The following RASGRF2 variants were observed in gnomAD, a reference collection of about 807,000 sequenced individuals.
RASGRF2 encodes the protein ras-specific guanine nucleotide-releasing factor 2.
Under a neutral mutation model 151.0 loss-of-function variants are expected in RASGRF2, and 76 were observed. The ratio of observed to expected loss-of-function variants is 0.50; its 90% CI spans 0.42 to 0.61. RASGRF2 has a LOEUF of 0.61. Ranked by LOEUF, RASGRF2 falls within the 20% of genes least tolerant of loss-of-function variation. The pLI is 0.00. For missense variants in RASGRF2, 1,148 were observed against 1,564.6 expected (o/e 0.73, Z 4.49); for synonymous variants, 504 against 566.5 (o/e 0.89, Z 1.57).
chr5:81,116,413 C>T (rs777406973), intron 15 of RASGRF2, among the ~76,000 whole-genome samples: 2 of 152,138 alleles, frequency 1.3e-5, no homozygotes, highest in Non-Finnish European at 2.9e-5. Flanking sequence ...GTATCACAAG[C>T]ATCACTGCTT....
chr5:81,132,478 G>A (rs1254805771), intron 17 of RASGRF2, among the ~76,000 whole-genome samples: 1 of 152,154 alleles, frequency 6.6e-6, no homozygotes, highest in African/African-American at 2.4e-5. Flanking sequence ...AGTGTCTTTT[G>A]TGTTTAGTAT....
At chr5:81,128,647 T>C (rs40047) in intron 17 of RASGRF2, among the ~76,000 whole-genome samples, 1 of 152,182 alleles carries the variant, frequency 6.6e-6, no homozygotes, top group African/African-American at 2.4e-5. Context: ...AGCCGAGCGG[T>C]GCAGCTATTG....
At chr5:81,038,490 G>A (rs760257960) in intron 1 of RASGRF2, among the ~76,000 whole-genome samples, 6 of 149,446 alleles carry the variant, frequency 4.0e-5, no homozygotes, top group Admixed American at 2.0e-4. Flanking sequence ...CTGTCTCATC[G>A]TCTGGGTATG....
At chr5:81,024,548 CA>C in intron 1 of RASGRF2, among the ~76,000 whole-genome samples, 1 of 152,138 alleles carries the variant, frequency 6.6e-6, no homozygotes. Context: ...GCGTGAGCCA[CA>C]ATGCCTGGCC....
chr5:81,155,180 A>G lies in RASGRF2; in HGVS notation c.2687-24995A>G, dbSNP rs1754232058. ...AAGTAGTGTTTAGAGAGAAATGTAT[A>G]TATTTCAATATCTACATTAGAGAAG... On this transcript the variant is annotated intron_variant, in intron 17 of 26. Transcript: ENST00000265080. Among the ~76,000 whole-genome samples the G allele has an allele frequency of 1.3e-5, 2 of 152,208 alleles. 1 individual carries two copies. Among genetic ancestry groups the G allele is most frequent in the South Asian group, 4.1e-4 (2 of 4,820 alleles).
chr5:81,097,354 A>G (rs1370097604), intron 12 of RASGRF2, among the ~76,000 whole-genome samples: 2 of 152,236 alleles, frequency 1.3e-5, no homozygotes, highest in African/African-American at 2.4e-5. Flanking sequence ...TTCAACAAAT[A>G]TATTTATGCA....
intron 2 of RASGRF2, among the ~76,000 whole-genome samples, chr5:81,067,198 A>G (rs1417536332): frequency 6.6e-6 from 1 of 152,160 alleles, no homozygotes; most frequent in Non-Finnish European, 1.5e-5. Context: ...TGTATACTAT[A>G]TCCTATGCAC....
chr5:81,131,814 C>T (rs531919612), intron 17 of RASGRF2, among the ~76,000 whole-genome samples: 2 of 152,114 alleles, frequency 1.3e-5, no homozygotes, highest in Non-Finnish European at 2.9e-5. Flanking sequence ...CCTCAAAACT[C>T]GAGATTCGGA....
intron 26 of RASGRF2, among the ~76,000 whole-genome samples, chr5:81,221,949 C>A (rs377027812): frequency 2.0e-5 from 3 of 151,904 alleles, no homozygotes; most frequent in South Asian, 4.2e-4. Context: ...TGCACTCCAG[C>A]CTATGCACTC....
chr5:80,983,384 G>A (rs891415279), intron 1 of RASGRF2, among the ~76,000 whole-genome samples: 3 of 152,230 alleles, frequency 2.0e-5, no homozygotes, highest in Admixed American at 2.0e-4. Flanking sequence ...TCTCTGCATG[G>A]TTGTGGGGCT....
chr5:81,021,755 G>A (rs1210270446), intron 1 of RASGRF2, among the ~76,000 whole-genome samples: 1 of 152,276 alleles, frequency 6.6e-6, no homozygotes, highest in East Asian at 1.9e-4. Flanking sequence ...AGTGTTCCAG[G>A]GCACTGGGAT....
chr5:81,060,161 C>G (rs1317584124), intron 2 of RASGRF2, among the ~76,000 whole-genome samples: 1 of 152,192 alleles, frequency 6.6e-6, no homozygotes, highest in African/African-American at 2.4e-5. Context: ...ACACATGACC[C>G]ACACACCTCC....
At position 81,214,087 on chromosome 5, in the gene RASGRF2, C is replaced by A. The variant is rs944632005; in HGVS notation, c.3354+1524C>A. Among the ~76,000 whole-genome samples, 9 of 152,122 alleles carry A rather than the reference C, an allele frequency of 5.9e-5. No homozygotes were observed. In the East Asian group the frequency reaches 1.7e-3, roughly 29 times the overall value. ...GGATCACCAGCTATCACCAAGGGAT[C>A]CCTAAATCTTAAAGTTTCCAGGCCC... On this transcript the variant is annotated intron_variant, in intron 23 of 26. Transcript: ENST00000265080.
At chr5:81,028,238 C>A (rs62367400) in intron 1 of RASGRF2, among the ~76,000 whole-genome samples, 1 of 37,400 alleles carries the variant, frequency 2.7e-5, no homozygotes, top group Non-Finnish European at 6.2e-5. Context: ...ATGAAATGCA[C>A]ATCATAAATT....
chr5:81,008,795 A>G (rs146803829), intron 1 of RASGRF2, among the ~76,000 whole-genome samples: 203 of 152,348 alleles, frequency 1.3e-3, no homozygotes, highest in Non-Finnish European at 2.5e-3. Context: ...TAGAACCATT[A>G]TAAAATTCAA....
intron 17 of RASGRF2, among the ~76,000 whole-genome samples, chr5:81,128,539 C>T (rs1400710277): frequency 6.6e-6 from 1 of 152,080 alleles, no homozygotes. Context: ...AGTTCTTCAC[C>T]CTTTATAACT....
intron 21 of RASGRF2, 69 bp downstream of exon 21, chr5:81,207,418 A>G (rs1288790922): frequency 8.1e-6 from 11 of 1,363,670 alleles, no homozygotes; most frequent in African/African-American, 2.9e-5. Flanking sequence ...CATTATTCCT[A>G]AGGCAGGTTG....
At chr5:81,042,795 C>T in intron 1 of RASGRF2, 82 bp from the exon 2 acceptor site, 11 of 934,192 alleles carry the variant, frequency 1.2e-5, no homozygotes, top group South Asian at 3.1e-5. Flanking sequence ...AAATATGTAC[C>T]CTTTGTAGGC....
intron 1 of RASGRF2, among the ~76,000 whole-genome samples, chr5:80,974,579 A>G (rs138000046): frequency 1.0e-3 from 154 of 152,306 alleles, no homozygotes; most frequent in African/African-American, 3.5e-3. Flanking sequence ...TACTTTTTTA[A>G]TAATGTAAAG....
Sources: gnomAD v4.1 joint callset for allele counts (sites outside exome capture counted in the v4.1 genomes callset) on GRCh38, gnomAD v4.1.1 for gene constraint, MANE v1.5 for transcripts, NCBI Gene and HGNC (gene_info 2026-07-23, HGNC 2026-07-21) for gene names.